The following OTC variants were observed in gnomAD, a reference collection of about 807,000 sequenced individuals.
OTC encodes ornithine transcarbamylase.
Under a neutral mutation model 30.3 loss-of-function variants are expected in OTC, and 3 were observed. That is an observed-to-expected ratio of 0.10 (90% CI 0.05 to 0.26). The LOEUF (loss-of-function observed/expected upper bound fraction) is 0.26, where lower values mean the gene tolerates loss of function less well. Ranked by LOEUF, OTC falls within the 10% of genes least tolerant of loss-of-function variation. The probability of loss-of-function intolerance (pLI) is 1.00; values close to 1 mark genes in which losing one functional copy is unlikely to be tolerated. For synonymous variants in OTC, 111 were observed against 99.7 expected, an observed-to-expected ratio of 1.11 and a Z score of -0.67; for missense variants, 194 against 260.3, an observed-to-expected ratio of 0.75 and a Z score of 1.75.
At chrX:38,419,520 T>A (rs150709059) in intron 9 of OTC, among the ~76,000 whole-genome samples, 2,402 of 112,102 alleles carry the variant, frequency 0.021, 69 homozygotes, top group African/African-American at 0.072. Context: ...ATCAGTGTTT[T>A]ATAGTTTTCA....
At chrX:38,331,728 A>G in the OTC span, among the ~76,000 whole-genome samples, 4 of 108,046 alleles carry the variant, frequency 3.7e-5, no homozygotes, top group Non-Finnish European at 5.7e-5. Context: ...AACCACAGGT[A>G]CACACCACCA....
chrX:38,399,147 C>T (rs1042902683), intron 4 of OTC, among the ~76,000 whole-genome samples: 1 of 111,154 alleles, frequency 9.0e-6, no homozygotes, highest in East Asian at 2.8e-4. Context: ...AGTCTCAATT[C>T]CCTCTTTCTT....
upstream of OTC, among the ~76,000 whole-genome samples, chrX:38,348,423 A>G (rs1249678233): frequency 9.0e-6 from 1 of 111,250 alleles, no homozygotes; most frequent in Non-Finnish European, 1.9e-5. Context: ...CAAGGCCCTC[A>G]GCAATCTGGC....
At chrX:38,338,939 C>A in the OTC span, among the ~76,000 whole-genome samples, 2 of 111,946 alleles carry the variant, frequency 1.8e-5, no homozygotes, top group Non-Finnish European at 3.8e-5. Context: ...GATCCAAAGC[C>A]CCAGGTGGGG....
chrX:38,367,926 C>A (rs1407229503), intron 2 of OTC, among the ~76,000 whole-genome samples: 1 of 111,007 alleles, frequency 9.0e-6, no homozygotes, highest in Non-Finnish European at 1.9e-5. Flanking sequence ...CCATATTGGC[C>A]AGGCTGGTCT....
chrX:38,350,841 G>A (rs2068210869), upstream of OTC, among the ~76,000 whole-genome samples: 1 of 111,179 alleles, frequency 9.0e-6, no homozygotes, highest in Non-Finnish European at 1.9e-5. Context: ...TATGAGTTGT[G>A]TGTATGGCTA....
the OTC span, among the ~76,000 whole-genome samples, chrX:38,345,892 G>A: frequency 1.3e-3 from 140 of 111,256 alleles, 2 homozygotes; most frequent in Admixed American, 4.1e-3. Flanking sequence ...GCAGGAAGGA[G>A]GTCTGCTTTG....
chrX:38,345,162 A>G, the OTC span, among the ~76,000 whole-genome samples: 11 of 112,073 alleles, frequency 9.8e-5, no homozygotes, highest in African/African-American at 3.2e-4. Flanking sequence ...TGATCACACT[A>G]TTGTGAAACC....
At chrX:38,330,468 T>C in the OTC span, among the ~76,000 whole-genome samples, 1 of 112,556 alleles carries the variant, frequency 8.9e-6, no homozygotes, top group African/African-American at 3.2e-5. Flanking sequence ...ACAGGAACCC[T>C]AAATGAAGTA....
At chrX:38,340,628 G>A in the OTC span, among the ~76,000 whole-genome samples, 1 of 109,611 alleles carries the variant, frequency 9.1e-6, no homozygotes, top group East Asian at 2.8e-4. Flanking sequence ...AATAACATAT[G>A]TAAAACATTA....
the OTC span, among the ~76,000 whole-genome samples, chrX:38,347,256 T>A: frequency 2.7e-5 from 3 of 112,276 alleles, no homozygotes; most frequent in African/African-American, 9.7e-5. Context: ...TTTCACATAA[T>A]GAAGTGGCAA....
At chrX:38,353,499 A>C (rs1432464602) in intron 1 of OTC, among the ~76,000 whole-genome samples, 1 of 111,791 alleles carries the variant, frequency 8.9e-6, no homozygotes, top group East Asian at 2.8e-4. Flanking sequence ...GTTTCATGTT[A>C]ATAATGAGAC....
At chrX:38,381,020 C>T (rs763640407) in intron 3 of OTC, among the ~76,000 whole-genome samples, 19 of 112,612 alleles carry the variant, frequency 1.7e-4, no homozygotes, top group Admixed American at 4.7e-4. Context: ...TGAGCCACTG[C>T]ACACAGCCAG....
chrX:38,421,174 C>A lies in OTC; in HGVS notation c.*92C>A. The A allele has an allele frequency of 1.6e-6, 1 of 638,704 alleles. No homozygotes were observed. The highest frequency in any genetic ancestry group is 2.6e-6 in the Non-Finnish European group (1 of 382,870). 52.6% of individuals were successfully genotyped at this position (638,704 alleles called of 1,213,427 possible). A position where few individuals can be genotyped will look rare whatever the true frequency, so the allele number is the denominator to read the frequency against. On this transcript the variant is annotated 3_prime_UTR_variant, in exon 10 of 10. Coordinates refer to ENST00000039007, the MANE Select transcript of OTC (RefSeq NM_000531.6). ...AAGAGAAGAGAATCTAAAAAATAAA[C>A]AAATCCCTAACACGTGGTATGGGTG...
At chrX:38,379,594 CAG>C (rs2068365755) in intron 3 of OTC, among the ~76,000 whole-genome samples, 1 of 110,143 alleles carries the variant, frequency 9.1e-6, no homozygotes, top group African/African-American at 3.3e-5. Flanking sequence ...TATACAGTAA[CAG>C]AAATGAGGAC....
Position 38,358,564 on chromosome X carries a change from C to G in OTC, c.77+5791C>G, listed in dbSNP as rs990156515. On this transcript the variant is annotated intron_variant, in intron 1 of 9. Coordinates refer to ENST00000039007, the MANE Select transcript of OTC (RefSeq NM_000531.6). ...GGAATTGAGAAAGGTGGTGACTACT[C>G]TAATGATTTTTCAGTGGTATAAACA... Among the ~76,000 whole-genome samples, 7 of 109,632 alleles carry G rather than the reference C, an allele frequency of 6.4e-5. No individual in the cohort carries two copies. In the East Asian group the frequency reaches 2.0e-3, roughly 31 times the overall value.
chrX:38,328,745 G>T, the OTC span, among the ~76,000 whole-genome samples: 406 of 112,186 alleles, frequency 3.6e-3, no homozygotes, highest in African/African-American at 0.012. Context: ...AAATCATTCT[G>T]CCTGGTCTAG....
At chrX:38,385,078 T>G (rs1277396663) in intron 4 of OTC, among the ~76,000 whole-genome samples, 2 of 111,013 alleles carry the variant, frequency 1.8e-5, no homozygotes, top group Non-Finnish European at 3.8e-5. Flanking sequence ...AGGACCAGCC[T>G]GGCCAACATG....
At chrX:38,407,981 G>A (rs1461636375) in intron 6 of OTC, among the ~76,000 whole-genome samples, 2 of 111,545 alleles carry the variant, frequency 1.8e-5, no homozygotes, top group East Asian at 2.8e-4. Flanking sequence ...CTGAGCAAGC[G>A]AGGCACCTAG....
Sources: allele counts gnomAD v4.1 joint callset (sites outside exome capture counted in the v4.1 genomes callset), GRCh38; gene constraint gnomAD v4.1.1; transcripts MANE v1.5; gene names NCBI Gene and HGNC (gene_info 2026-07-23, HGNC 2026-07-21).